The following ANKRD36 variants were observed in gnomAD, a reference collection of about 807,000 sequenced individuals.
ANKRD36 encodes ankyrin repeat domain-containing protein 36A.
In ANKRD36, 179 loss-of-function variants were observed where a neutral mutation model predicts 278.1. The observed-to-expected ratio is 0.64, with a 90% confidence interval of 0.57 to 0.73. The LOEUF is 0.73. Ranked by LOEUF, ANKRD36 falls within the 30% of genes least tolerant of loss-of-function variation. ANKRD36 has a pLI of 0.00. For missense variants in ANKRD36, 1,159 were observed against 1,956.7 expected (o/e 0.59, Z 7.69); for synonymous variants, 320 against 641.1 (o/e 0.50, Z 7.57).
At chr2:97,140,525 AT>A in intron 6 of ANKRD36, among the ~76,000 whole-genome samples, 1 of 152,100 alleles carries the variant, frequency 6.6e-6, no homozygotes, top group East Asian at 1.9e-4. Context: ...AACTCATAAT[AT>A]GATGGGAAAG....
intron 40 of ANKRD36, among the ~76,000 whole-genome samples, 199 bp from the exon 41 acceptor site, chr2:97,196,394 G>T (rs1398712113): frequency 6.6e-6 from 1 of 151,964 alleles, no homozygotes; most frequent in South Asian, 2.1e-4. Flanking sequence ...GAAATTATAA[G>T]GGTATATTTC....
intron 64 of ANKRD36, among the ~76,000 whole-genome samples, chr2:97,218,066 C>G (rs1030247788): frequency 1.3e-5 from 2 of 152,002 alleles, no homozygotes; most frequent in African/African-American, 4.8e-5. Flanking sequence ...TCAGACATCA[C>G]ACATATATTT....
intron 42 of ANKRD36, among the ~76,000 whole-genome samples, chr2:97,197,690 T>G (rs2060163771): frequency 6.6e-6 from 1 of 151,934 alleles, no homozygotes; most frequent in Non-Finnish European, 1.5e-5. Flanking sequence ...TGCTGTGATT[T>G]CTGAATGAAA....
chr2:97,167,475 C>T, intron 20 of ANKRD36, 102 bp from the exon 21 acceptor site: 1 of 1,534,452 alleles, frequency 6.5e-7, no homozygotes, highest in Non-Finnish European at 8.7e-7. Context: ...GGTAGAAGTA[C>T]TTTCCTGTGT....
rs1218387098 is a variant in ANKRD36 at position 97,206,139 on chromosome 2, A to G, written c.3163+4A>G. 6.5e-7 allele frequency: 1 copy of G among 1,533,604 alleles called. No individual in the cohort carries two copies. Among genetic ancestry groups the G allele is most frequent in the Non-Finnish European group, 8.8e-7 (1 of 1,142,640 alleles). 95.0% of individuals were successfully genotyped at this position (1,533,604 alleles called of 1,614,324 possible). A position where few individuals can be genotyped will look rare whatever the true frequency, so the allele number is the denominator to read the frequency against. Reference sequence around the variant, plus strand: ...GATGGAGAAAAATCTAGGACAGGTAATTCTGAAAACAGATTTAATGCCATG... The same window carrying G: ...GATGGAGAAAAATCTAGGACAGGTAGTTCTGAAAACAGATTTAATGCCATG... On this transcript the variant is annotated splice_donor_region_variant and intron_variant, in intron 52 of 75. Transcript: ENST00000420699.
At chr2:97,121,193 G>A (rs2036712134) in intron 3 of ANKRD36, among the ~76,000 whole-genome samples, 1 of 152,024 alleles carries the variant, frequency 6.6e-6, no homozygotes, top group African/African-American at 2.4e-5. Context: ...AGATGGTGGT[G>A]TTTTATAAAC....
chr2:97,178,141 C>G (rs1389195180), intron 22 of ANKRD36, among the ~76,000 whole-genome samples: 5 of 150,822 alleles, frequency 3.3e-5, no homozygotes, highest in Admixed American at 1.3e-4. Context: ...CCATCTCACA[C>G]CAGTTAGAAT....
intron 22 of ANKRD36, among the ~76,000 whole-genome samples, chr2:97,177,496 C>G (rs560938971): frequency 2.0e-5 from 3 of 152,028 alleles, no homozygotes; most frequent in Non-Finnish European, 4.4e-5. Context: ...ATCAATGGAA[C>G]AGAACGGAGA....
At chr2:97,206,775 C>G (rs545389328) in intron 52 of ANKRD36, among the ~76,000 whole-genome samples, 11 of 151,622 alleles carry the variant, frequency 7.3e-5, no homozygotes, top group African/African-American at 2.2e-4. Context: ...TAAAAACACA[C>G]TGACTCATTA....
chr2:97,140,976 C>T (rs377159997), intron 6 of ANKRD36, among the ~76,000 whole-genome samples: 1 of 151,816 alleles, frequency 6.6e-6, no homozygotes, highest in Non-Finnish European at 1.5e-5. Context: ...CTTCATTTCT[C>T]CTCCCTAGAA....
At chr2:97,225,083 C>T (rs2068979806) in intron 67 of ANKRD36, among the ~76,000 whole-genome samples, 1 of 151,862 alleles carries the variant, frequency 6.6e-6, no homozygotes, top group Non-Finnish European at 1.5e-5. Flanking sequence ...CTTATCTTTA[C>T]TCTTGGAACT....
At chr2:97,263,031 A>G (rs1382114684) in intron 75 of ANKRD36, among the ~76,000 whole-genome samples, 1 of 139,800 alleles carries the variant, frequency 7.2e-6, no homozygotes, top group Non-Finnish European at 1.5e-5. Flanking sequence ...CTGTGTTGCT[A>G]ACACAGAAAT....
chr2:97,230,226 A>C (rs2071448668), intron 67 of ANKRD36, among the ~76,000 whole-genome samples: 1 of 152,096 alleles, frequency 6.6e-6, no homozygotes, highest in African/African-American at 2.4e-5. Flanking sequence ...AATATCCTGC[A>C]GTGTGTTTTC....
Position 97,260,881 on chromosome 2 carries a change from T to C in ANKRD36, c.*7-3448T>C, listed in dbSNP as rs968140409. Among the ~76,000 whole-genome samples, 11 of 118,728 alleles carry C rather than the reference T, an allele frequency of 9.3e-5. 2 individuals carry two copies. The highest frequency in any genetic ancestry group is 4.4e-4 in the African/African-American group (11 of 25,214). 77.9% of individuals were successfully genotyped at this position (118,728 alleles called of 152,430 possible). On this transcript the variant is annotated intron_variant, in intron 75 of 75. Coordinates refer to ENST00000420699, the MANE Select transcript of ANKRD36 (RefSeq NM_001354587.1). ...ACCTTGCACTTTTATGTTATGAAGA[T>C]TCTTTTCTTAAACCTCATGAACCAA...
chr2:97,201,118 C>T (rs1297342036), intron 46 of ANKRD36, among the ~76,000 whole-genome samples: 1 of 151,868 alleles, frequency 6.6e-6, no homozygotes, highest in Non-Finnish European at 1.5e-5. Flanking sequence ...GCAGCTCCAG[C>T]AACTGCTGGA....
At chr2:97,144,927 G>C (rs1295283890) in intron 10 of ANKRD36, among the ~76,000 whole-genome samples, 1 of 151,924 alleles carries the variant, frequency 6.6e-6, no homozygotes, top group Non-Finnish European at 1.5e-5. Context: ...ATTGAAATTG[G>C]GAAGAAGAAC....
At chr2:97,163,343 A>G (rs896062726) in intron 18 of ANKRD36, 2 of 446,148 alleles carry the variant, frequency 4.5e-6, no homozygotes, top group African/African-American at 4.0e-5. Flanking sequence ...TACATTTTGT[A>G]AATGAAAATC....
intron 22 of ANKRD36, among the ~76,000 whole-genome samples, chr2:97,172,023 C>T (rs1050519771): frequency 6.6e-6 from 1 of 152,016 alleles, no homozygotes; most frequent in Non-Finnish European, 1.5e-5. Context: ...TTTCCTGACT[C>T]TTTGGTAGAC....
chr2:97,201,663 G>A (rs1281862824), intron 46 of ANKRD36, among the ~76,000 whole-genome samples: 1 of 151,922 alleles, frequency 6.6e-6, no homozygotes, highest in Non-Finnish European at 1.5e-5. Context: ...TCAGCAAAGA[G>A]GTATCCAAGG....
Sources: allele counts gnomAD v4.1 joint callset (sites outside exome capture counted in the v4.1 genomes callset), GRCh38; gene constraint gnomAD v4.1.1; transcripts MANE v1.5; gene names NCBI Gene and HGNC (gene_info 2026-07-23, HGNC 2026-07-21).